Variants in SPOCK3 observed in about 807,000 individuals in gnomAD.
SPOCK3 encodes the protein SPARC (osteonectin), cwcv and kazal like domains proteoglycan 3.
SPOCK3 carries 30 observed loss-of-function variants against 56.6 expected under a neutral mutation model. The observed-to-expected ratio is 0.53, with a 90% CI of 0.40 to 0.72. The LOEUF (loss-of-function observed/expected upper bound fraction) is 0.72, where lower values mean the gene tolerates loss of function less well. Ranked by LOEUF, SPOCK3 falls within the 30% of genes least tolerant of loss-of-function variation. The pLI is 0.00. For synonymous variants in SPOCK3, 196 were observed against 183.3 expected (o/e 1.07, Z -0.56); for missense variants, 527 against 530.0 (o/e 0.99, Z 0.06).
chr4:166,909,217 A>G (rs1736980850), intron 5 of SPOCK3, among the ~76,000 whole-genome samples: 1 of 152,106 alleles, frequency 6.6e-6, no homozygotes, highest in Non-Finnish European at 1.5e-5. Context: ...GATTTCTAAA[A>G]ACGCTGATTA....
intron 2 of SPOCK3, among the ~76,000 whole-genome samples, chr4:167,162,856 G>C (rs1765437068): frequency 1.3e-5 from 2 of 151,876 alleles, no homozygotes; most frequent in African/African-American, 2.4e-5. Context: ...ACTAAATTAA[G>C]TTTAGTATGC....
At chr4:167,194,763 G>A (rs1435887139) in intron 2 of SPOCK3, among the ~76,000 whole-genome samples, 1 of 152,156 alleles carries the variant, frequency 6.6e-6, no homozygotes, top group Non-Finnish European at 1.5e-5. Context: ...TGAGAAGACT[G>A]GATTGTCTCC....
intron 2 of SPOCK3, among the ~76,000 whole-genome samples, chr4:167,207,071 A>C (rs899567875): frequency 6.6e-6 from 1 of 152,112 alleles, no homozygotes; most frequent in Admixed American, 6.6e-5. Flanking sequence ...ATAAACGTGC[A>C]CAACTATTAC....
At chr4:166,916,887 C>T (rs1366446466) in intron 4 of SPOCK3, among the ~76,000 whole-genome samples, 1 of 152,082 alleles carries the variant, frequency 6.6e-6, no homozygotes, top group Non-Finnish European at 1.5e-5. Context: ...ATAAATAGTG[C>T]ATATTGGCCA....
intron 4 of SPOCK3, among the ~76,000 whole-genome samples, chr4:166,986,009 C>A (rs1245349291): frequency 1.3e-5 from 2 of 152,076 alleles, no homozygotes; most frequent in African/African-American, 4.8e-5. Flanking sequence ...ATCACAGAAA[C>A]TGTAAATTAA....
At chr4:166,819,350 A>T (rs1047710685) in intron 6 of SPOCK3, among the ~76,000 whole-genome samples, 4 of 152,090 alleles carry the variant, frequency 2.6e-5, no homozygotes, top group Admixed American at 2.6e-4. Context: ...TACAGTCAAC[A>T]TAGTGATGGG....
chr4:166,770,605 A>C (rs563253533), intron 7 of SPOCK3, among the ~76,000 whole-genome samples: 59 of 152,306 alleles, frequency 3.9e-4, no homozygotes, highest in Non-Finnish European at 3.1e-4. Context: ...ATAAGGCAAG[A>C]TAAGAGAAAA....
At chr4:166,754,435 T>A in intron 8 of SPOCK3, 73 bp downstream of exon 8, 1 of 1,537,968 alleles carries the variant, frequency 6.5e-7, no homozygotes, top group South Asian at 1.2e-5. Flanking sequence ...TGTACTGTTT[T>A]ATTTTCTTAA....
chr4:166,825,832 G>A (rs1245022434), intron 6 of SPOCK3, among the ~76,000 whole-genome samples: 1 of 152,076 alleles, frequency 6.6e-6, no homozygotes, highest in Non-Finnish European at 1.5e-5. Flanking sequence ...ATAAGTGGGA[G>A]CTAAGCTATA....
At chr4:167,079,292 C>T (rs1010074224) in intron 2 of SPOCK3, among the ~76,000 whole-genome samples, 41 of 152,026 alleles carry the variant, frequency 2.7e-4, no homozygotes, top group Middle Eastern at 6.8e-3. Flanking sequence ...CAAAGCTTCC[C>T]ACAAAATTGT....
At chr4:166,978,324 T>C (rs1746183336) in intron 4 of SPOCK3, among the ~76,000 whole-genome samples, 1 of 151,962 alleles carries the variant, frequency 6.6e-6, no homozygotes, top group Non-Finnish European at 1.5e-5. Flanking sequence ...TGAGTACAAG[T>C]AGGGAAAAAG....
intron 3 of SPOCK3, among the ~76,000 whole-genome samples, chr4:167,018,650 T>C (rs768728547): frequency 5.3e-5 from 8 of 152,010 alleles, no homozygotes; most frequent in African/African-American, 9.7e-5. Flanking sequence ...GGATAGGTCA[T>C]TTTTCCCCTC....
intron 6 of SPOCK3, among the ~76,000 whole-genome samples, chr4:166,882,061 G>A (rs1179749888): frequency 6.6e-6 from 1 of 152,072 alleles, no homozygotes; most frequent in East Asian, 1.9e-4. Context: ...ATTTGATTTT[G>A]CACTATTATT....
intron 4 of SPOCK3, among the ~76,000 whole-genome samples, chr4:166,999,152 C>A (rs1039155951): frequency 2.6e-5 from 4 of 152,094 alleles, no homozygotes; most frequent in Admixed American, 6.6e-5. Flanking sequence ...CTGTTGTTTT[C>A]TTTCTCCTAC....
At chr4:167,214,831 TG>T (rs1179512231) in intron 2 of SPOCK3, among the ~76,000 whole-genome samples, 1 of 152,020 alleles carries the variant, frequency 6.6e-6, no homozygotes, top group Non-Finnish European at 1.5e-5. Flanking sequence ...AAGCTTACCT[TG>T]GGGCACCTAA....
chr4:167,176,135 T>C (rs1478940897), intron 2 of SPOCK3, among the ~76,000 whole-genome samples: 1 of 152,114 alleles, frequency 6.6e-6, no homozygotes, highest in Non-Finnish European at 1.5e-5. Flanking sequence ...ACTTAATCTC[T>C]TTATCTGACT....
chr4:167,068,037 T>A (rs1005441279), intron 2 of SPOCK3, among the ~76,000 whole-genome samples: 1 of 151,744 alleles, frequency 6.6e-6, no homozygotes, highest in Non-Finnish European at 1.5e-5. Context: ...CACATAACAA[T>A]TGGCTCCAAT....
At chr4:167,021,775 A>G (rs979145148) in intron 3 of SPOCK3, among the ~76,000 whole-genome samples, 6 of 151,984 alleles carry the variant, frequency 3.9e-5, no homozygotes, top group African/African-American at 1.4e-4. Flanking sequence ...AAATCAAGAT[A>G]ATTTCGGATG....
intron 2 of SPOCK3, among the ~76,000 whole-genome samples, chr4:167,186,599 T>A (rs967076954): frequency 2.8e-5 from 4 of 144,868 alleles, no homozygotes; most frequent in African/African-American, 1.0e-4. Flanking sequence ...TGCACTCCAG[T>A]CTGGACAACA....
Sources: gnomAD v4.1 joint callset for allele counts (sites outside exome capture counted in the v4.1 genomes callset) on GRCh38, gnomAD v4.1.1 for gene constraint, MANE v1.5 for transcripts, NCBI Gene and HGNC (gene_info 2026-07-23, HGNC 2026-07-21) for gene names.